The following MEGF11 variants were observed in gnomAD, a reference collection of about 807,000 sequenced individuals.
MEGF11 encodes multiple epidermal growth factor-like domains protein 11.
MEGF11 carries 126 observed loss-of-function variants against 146.6 expected under a neutral mutation model. The observed-to-expected ratio is 0.86, with a 90% CI of 0.74 to 1.00. The LOEUF is 1.00. Ranked by LOEUF, MEGF11 falls within the 50% of genes least tolerant of loss-of-function variation. MEGF11 has a pLI of 0.00. For missense variants in MEGF11, 1,509 were observed against 1,521.2 expected (o/e 0.99, Z 0.13); for synonymous variants, 532 against 583.4 (o/e 0.91, Z 1.27).
rs185918544 is a variant in MEGF11, at chr15:65,931,140, T to C, written c.1288-197A>G. ...CTGGAGATGGAGAGAATGTCAGGCG[T>C]TCAGGGGTTATCCAGGTGGGCTCAA... On this transcript the variant is annotated intron_variant, in intron 10 of 25. Coordinates refer to ENST00000395614, the MANE Select transcript of MEGF11 (RefSeq NM_001385028.1). 2.0e-5 allele frequency among the ~76,000 whole-genome samples: 3 copies of C among 152,240 alleles called. No homozygotes were observed. The East Asian group carries it at 5.8e-4, about 29-fold the overall frequency.
chr15:66,084,900 C>T (rs889412002), intron 5 of MEGF11, among the ~76,000 whole-genome samples: 1 of 152,134 alleles, frequency 6.6e-6, no homozygotes, highest in African/African-American at 2.4e-5. Flanking sequence ...TAGCCTTGGG[C>T]AAGTTTTCAA....
intron 5 of MEGF11, among the ~76,000 whole-genome samples, chr15:66,091,396 T>A (rs184275688): frequency 6.6e-6 from 1 of 152,214 alleles, no homozygotes. Flanking sequence ...AACAACCATG[T>A]TTTCTCATGA....
chr15:65,970,783 C>T, intron 7 of MEGF11, 94 bp from the exon 8 acceptor site: 1 of 1,412,216 alleles, frequency 7.1e-7, no homozygotes, highest in Non-Finnish European at 9.6e-7. Context: ...AGGGACCACC[C>T]AACTTCCCAG....
intron 10 of MEGF11, among the ~76,000 whole-genome samples, chr15:65,941,675 G>C (rs1259045049): frequency 6.6e-6 from 1 of 152,226 alleles, no homozygotes; most frequent in South Asian, 2.1e-4. Flanking sequence ...TCTGTACCGA[G>C]TTTAGAGAAG....
intron 5 of MEGF11, among the ~76,000 whole-genome samples, chr15:66,055,562 C>A (rs554099020): frequency 6.6e-6 from 1 of 152,292 alleles, no homozygotes; most frequent in South Asian, 2.1e-4. Flanking sequence ...CTATGTATTT[C>A]TTTTCTCATT....
intron 1 of MEGF11, among the ~76,000 whole-genome samples, chr15:66,162,384 AAGAG>A (rs2089976657): frequency 1.3e-5 from 2 of 152,206 alleles, no homozygotes; most frequent in South Asian, 4.1e-4. Context: ...GACTTGTAGA[AAGAG>A]AGAGAATGGC....
At position 65,970,685 on chromosome 15, in the gene MEGF11, G is replaced by A. The variant is rs752648960; in HGVS notation, c.767C>T (p.Ala256Val). 13 of 1,609,632 alleles carry A rather than the reference G, an allele frequency of 8.1e-6. No individual in the cohort carries two copies. The African/African-American group carries it at 1.3e-4, about 17-fold the overall frequency. Residue 256 changes from alanine to valine, a missense_variant, in exon 8 of 26, where the codon GCA becomes GTA. Ala to Val is a moderately conservative substitution (Grantham distance 64). Transcript: ENST00000395614. ...TGGTGGGCAGGGCTGGGCACACACT[G>A]CTCCCTAAAAGAAAGGTGGGAAGAC... ...ECACPPGWTG[A>V]VCAQPCPPGT...
At chr15:66,117,064 C>G (rs1170594062) in intron 4 of MEGF11, among the ~76,000 whole-genome samples, 1 of 152,164 alleles carries the variant, frequency 6.6e-6, no homozygotes, top group African/African-American at 2.4e-5. Flanking sequence ...AATAAGGATA[C>G]CTTCCTCATA....
At chr15:66,188,881 G>T (rs1323982036) in intron 1 of MEGF11, among the ~76,000 whole-genome samples, 2 of 152,186 alleles carry the variant, frequency 1.3e-5, no homozygotes, top group Non-Finnish European at 2.9e-5. Context: ...TCCTAAAGGG[G>T]GTTGCAGGGC....
intron 5 of MEGF11, among the ~76,000 whole-genome samples, chr15:66,050,406 A>G (rs187721165): frequency 6.2e-4 from 94 of 152,354 alleles, no homozygotes; most frequent in Non-Finnish European, 8.4e-4. Context: ...CATTTGAGCA[A>G]AGACCTGAAG....
At chr15:66,065,313 A>T (rs1390284781) in intron 5 of MEGF11, among the ~76,000 whole-genome samples, 4 of 152,154 alleles carry the variant, frequency 2.6e-5, no homozygotes, top group East Asian at 3.8e-4. Flanking sequence ...AAAAAAAAAA[A>T]AAGATCCAGT....
At chr15:66,007,417 T>A (rs2082552448) in intron 5 of MEGF11, among the ~76,000 whole-genome samples, 1 of 152,146 alleles carries the variant, frequency 6.6e-6, no homozygotes, top group African/African-American at 2.4e-5. Flanking sequence ...GTTGAATAAT[T>A]TCCCTGTGTG....
intron 1 of MEGF11, among the ~76,000 whole-genome samples, chr15:66,172,636 TG>T (rs948522565): frequency 1.3e-5 from 2 of 152,208 alleles, no homozygotes; most frequent in African/African-American, 4.8e-5. Flanking sequence ...GCAGTCCCAC[TG>T]TCACCCACTC....
intron 10 of MEGF11, among the ~76,000 whole-genome samples, chr15:65,937,088 A>G (rs1196273598): frequency 6.6e-6 from 1 of 152,240 alleles, no homozygotes; most frequent in Non-Finnish European, 1.5e-5. Context: ...AGAGATGATC[A>G]AATCCACTAT....
At chr15:66,202,173 G>A (rs541226936) in intron 1 of MEGF11, among the ~76,000 whole-genome samples, 1 of 151,912 alleles carries the variant, frequency 6.6e-6, no homozygotes, top group Admixed American at 6.6e-5. Flanking sequence ...CATCACACAT[G>A]CATGCACCAA....
At chr15:66,072,552 A>T (rs1819275438) in intron 5 of MEGF11, among the ~76,000 whole-genome samples, 1 of 152,216 alleles carries the variant, frequency 6.6e-6, no homozygotes, top group Admixed American at 6.5e-5. Flanking sequence ...AGCATCTAAA[A>T]CAGGTACGCA....
chr15:66,046,592 C>T (rs776881759), intron 5 of MEGF11, among the ~76,000 whole-genome samples: 3 of 152,206 alleles, frequency 2.0e-5, no homozygotes, highest in Non-Finnish European at 2.9e-5. Flanking sequence ...AGACTTCTCA[C>T]GCAGGCTTAG....
intron 8 of MEGF11, among the ~76,000 whole-genome samples, chr15:65,968,915 G>A (rs541602701): frequency 6.6e-6 from 1 of 152,292 alleles, no homozygotes; most frequent in African/African-American, 2.4e-5. Flanking sequence ...TTTGGGGTGG[G>A]TTAATGCAGC....
intron 8 of MEGF11, among the ~76,000 whole-genome samples, chr15:65,969,519 C>T (rs1862946080): frequency 6.6e-6 from 1 of 152,190 alleles, no homozygotes; most frequent in Non-Finnish European, 1.5e-5. Flanking sequence ...GCTTAAAAGA[C>T]TTCCAGCTGG....
Sources: gnomAD v4.1 joint callset for allele counts (sites outside exome capture counted in the v4.1 genomes callset) on GRCh38, gnomAD v4.1.1 for gene constraint, MANE v1.5 for transcripts, NCBI Gene and HGNC (gene_info 2026-07-23, HGNC 2026-07-21) for gene names.